GUCY1A2: variants seen among roughly 807,000 people sequenced by gnomAD.
The protein encoded by GUCY1A2 is guanylate cyclase 1 soluble subunit alpha 2.
Under a neutral mutation model 63.5 loss-of-function variants are expected in GUCY1A2, and 27 were observed. The ratio of observed to expected loss-of-function variants is 0.43; its 90% CI spans 0.31 to 0.59. GUCY1A2 has a LOEUF of 0.59. Ranked by LOEUF, GUCY1A2 falls within the 20% of genes least tolerant of loss-of-function variation. The pLI is 0.11. For synonymous variants in GUCY1A2, 364 were observed against 343.5 expected, an observed-to-expected ratio of 1.06 and a Z score of -0.66; for missense variants, 768 against 913.3, an observed-to-expected ratio of 0.84 and a Z score of 2.05.
chr11:106,978,738 T>C lies in GUCY1A2; in HGVS notation c.368A>G (p.Tyr123Cys). The C allele has an allele frequency of 6.3e-7, 1 of 1,592,740 alleles. No individual in the cohort carries two copies. Among genetic ancestry groups the C allele is most frequent in the Non-Finnish European group, 8.5e-7 (1 of 1,171,838 alleles). Residue 123 changes from tyrosine to cysteine, a missense_variant and splice_region_variant, in exon 3 of 8, where the codon TAC (tyrosine) becomes TGC (cysteine). By Grantham distance (194) the Tyr-to-Cys change is radical (BLOSUM62 -2). Around this residue, in one of 3 missense-constraint regions of GUCY1A2, gnomAD observed 496 missense variants for 486.9 expected, o/e 1.02. Transcript: ENST00000526355. ...LQYYEHQVIG[Y>C]RDAEKNFHNI... ...GTGGAAATTCTTTTCTGCATCCCTG[T>C]AACTAAGAAGAAAACAAAATTAGCA...
At chr11:106,700,584 G>A (rs942158711) in intron 7 of GUCY1A2, among the ~76,000 whole-genome samples, 2 of 152,028 alleles carry the variant, frequency 1.3e-5, no homozygotes, top group South Asian at 2.1e-4. Context: ...TTGAGGCACC[G>A]CTCCAGTTTA....
At chr11:106,895,383 G>A (rs1860032792) in intron 4 of GUCY1A2, among the ~76,000 whole-genome samples, 1 of 152,086 alleles carries the variant, frequency 6.6e-6, no homozygotes, top group African/African-American at 2.4e-5. Context: ...TTGTGATATG[G>A]TTTGGCTGTG....
At chr11:106,999,572 T>C (rs1406508980) in intron 1 of GUCY1A2, among the ~76,000 whole-genome samples, 1 of 152,244 alleles carries the variant, frequency 6.6e-6, no homozygotes, top group African/African-American at 2.4e-5. Context: ...AATGTGTTGG[T>C]TTGATCTTAT....
In GUCY1A2 at chr11:106,986,091, T is replaced by C; in HGVS notation, c.344A>G (p.Tyr115Cys). ...IQQTLKRTLQ[Y>C]YEHQVIGYRD... is the part of the protein sequence containing the mutation. ...TTACCCAATAACTTGATGTTCATAA[T>C]ACTGCAGTGTCCTCTTGAGAGTCTG... Residue 115 changes from tyrosine to cysteine, a missense_variant, in exon 2 of 8, where the codon TAT becomes TGT. Transcript: ENST00000526355. 1 of 1,493,750 alleles carries C rather than the reference T, an allele frequency of 6.7e-7. No homozygotes were observed. The highest frequency in any genetic ancestry group is 9.3e-7 in the Non-Finnish European group (1 of 1,070,272). 92.5% of individuals were successfully genotyped at this position (1,493,750 alleles called of 1,614,324 possible).
intron 4 of GUCY1A2, among the ~76,000 whole-genome samples, chr11:106,923,852 C>G (rs1449250570): frequency 5.3e-5 from 8 of 151,990 alleles, no homozygotes; most frequent in Non-Finnish European, 1.2e-4. Context: ...AAAGAACTAC[C>G]ATATATCAGA....
At chr11:106,806,557 T>G (rs1244782288) in intron 5 of GUCY1A2, among the ~76,000 whole-genome samples, 1 of 152,212 alleles carries the variant, frequency 6.6e-6, no homozygotes, top group African/African-American at 2.4e-5. Flanking sequence ...TTTACAAAAT[T>G]AGATACTGGT....
At chr11:106,967,776 C>T (rs1054586048) in intron 3 of GUCY1A2, among the ~76,000 whole-genome samples, 1 of 90,542 alleles carries the variant, frequency 1.1e-5, no homozygotes, top group African/African-American at 4.6e-5. Context: ...GGGAGGGAAG[C>T]AGGAAGGGAG....
intron 4 of GUCY1A2, among the ~76,000 whole-genome samples, chr11:106,909,577 T>A (rs1860264223): frequency 6.6e-6 from 1 of 151,846 alleles, no homozygotes; most frequent in Non-Finnish European, 1.5e-5. Context: ...TTTTTTAATT[T>A]AAAAAATGTT....
chr11:106,802,847 T>C (rs1208081413), intron 5 of GUCY1A2, among the ~76,000 whole-genome samples: 2 of 152,150 alleles, frequency 1.3e-5, no homozygotes, highest in Non-Finnish European at 2.9e-5. Flanking sequence ...AACTCCAAAA[T>C]ACTCTACCTC....
At chr11:106,903,203 T>C (rs905187995) in intron 4 of GUCY1A2, among the ~76,000 whole-genome samples, 4 of 152,070 alleles carry the variant, frequency 2.6e-5, no homozygotes, top group African/African-American at 9.7e-5. Flanking sequence ...TTACATCTTC[T>C]GAAATGATAA....
intron 2 of GUCY1A2, among the ~76,000 whole-genome samples, chr11:106,980,048 T>A (rs1487429883): frequency 6.6e-6 from 1 of 152,178 alleles, no homozygotes; most frequent in Non-Finnish European, 1.5e-5. Flanking sequence ...AGTGAACATC[T>A]GCAGAGGCAG....
At chr11:106,805,927 T>C (rs1004408208) in intron 5 of GUCY1A2, among the ~76,000 whole-genome samples, 3 of 152,224 alleles carry the variant, frequency 2.0e-5, no homozygotes, top group Admixed American at 6.5e-5. Context: ...TTCTGACTTG[T>C]GAGCTACATT....
intron 4 of GUCY1A2, among the ~76,000 whole-genome samples, chr11:106,841,400 A>G (rs529721014): frequency 2.6e-5 from 4 of 152,052 alleles, no homozygotes; most frequent in Admixed American, 2.6e-4. Context: ...TCCACCTTTC[A>G]AACAAGATTA....
chr11:106,826,732 T>C, intron 4 of GUCY1A2: 2 of 1,610,160 alleles, frequency 1.2e-6, no homozygotes, highest in Non-Finnish European at 1.7e-6. Context: ...AGCCATGCAC[T>C]TTGCTGCATA....
In GUCY1A2 at chr11:106,810,116, G is replaced by A. The variant is rs751022111; in HGVS notation, c.1569C>T (p.Leu523=). The A allele has an allele frequency of 3.7e-6, 6 of 1,613,964 alleles. No individual in the cohort carries two copies. The highest frequency in any genetic ancestry group is 2.7e-5 in the African/African-American group (2 of 75,064). ...QARKFDDVTM[L]FSDIVGFTAI... ...CTGTGAAGCCAACAATGTCTGAAAA[G>A]AGCATGGTGACATCATCAAACTTTC... The change falls in exon 5 of 8, where the codon CTC becomes CTT. Residue 523 remains leucine (L), a synonymous_variant. Transcript: ENST00000526355.
chr11:106,910,394 A>C (rs1860277068), intron 4 of GUCY1A2, among the ~76,000 whole-genome samples: 1 of 152,080 alleles, frequency 6.6e-6, no homozygotes, highest in Non-Finnish European at 1.5e-5. Flanking sequence ...ATATATAATA[A>C]GTATACTACG....
At chr11:106,861,208 T>A (rs1859507065) in intron 4 of GUCY1A2, among the ~76,000 whole-genome samples, 1 of 151,964 alleles carries the variant, frequency 6.6e-6, no homozygotes, top group Non-Finnish European at 1.5e-5. Flanking sequence ...CCTTGAAATA[T>A]AAACATACTC....
intron 4 of GUCY1A2, among the ~76,000 whole-genome samples, chr11:106,908,294 T>A (rs1454364415): frequency 2.0e-5 from 3 of 152,022 alleles, no homozygotes. Flanking sequence ...TCTATAAATA[T>A]AACGTAGTCT....
At position 106,723,258 on chromosome 11, in the gene GUCY1A2, A is replaced by G. The variant is rs145034055; in HGVS notation, c.1837-14592T>C. ...TTCTCAACCCTTCATCTAGCTGGAT[A>G]GTTTCTCACTTTTCAGACCACAGCT... On this transcript the variant is annotated intron_variant, in intron 6 of 7. Transcript: ENST00000526355. Among the ~76,000 whole-genome samples, 788 of 152,324 alleles carry G rather than the reference A, an allele frequency of 5.2e-3. 3 individuals are homozygous for G. Among genetic ancestry groups the G allele is most frequent in the Non-Finnish European group, 8.0e-3 (546 of 68,034 alleles).
Sources: allele counts gnomAD v4.1 joint callset (sites outside exome capture counted in the v4.1 genomes callset), GRCh38; gene constraint gnomAD v4.1.1; regional missense constraint gnomAD v4.1.1; transcripts MANE v1.5; gene names NCBI Gene and HGNC (gene_info 2026-07-23, HGNC 2026-07-21).